Variants in LYPLA1 observed in about 807,000 individuals in gnomAD.
The protein encoded by LYPLA1 is lysophospholipase 1, also known as acyl-protein thioesterase 1.
In LYPLA1, 17 loss-of-function variants were observed where a neutral mutation model predicts 34.0. The observed-to-expected ratio is 0.50, with a 90% CI of 0.34 to 0.75. LYPLA1 has a LOEUF of 0.75. LYPLA1 is among the 30% of genes least tolerant of loss of function. LYPLA1 has a pLI of 0.01. For missense variants in LYPLA1, 203 were observed against 288.8 expected, an observed-to-expected ratio of 0.70 and a Z score of 2.15; for synonymous variants, 98 against 100.8, an observed-to-expected ratio of 0.97 and a Z score of 0.17.
At position 54,047,858 on chromosome 8, in the gene LYPLA1, G is replaced by C; in HGVS notation, c.*207C>G. The C allele has an allele frequency of 4.8e-6, 2 of 416,180 alleles. No individual in the cohort carries two copies. Among genetic ancestry groups the C allele is most frequent in the Non-Finnish European group, 8.5e-6 (2 of 235,336 alleles). The allele number at this position is 416,180 out of a possible 1,614,324, so 25.8% of individuals were successfully genotyped here. A position where few individuals can be genotyped will look rare whatever the true frequency, so the allele number is the denominator to read the frequency against. On this transcript the variant is annotated 3_prime_UTR_variant, in exon 9 of 9. Transcript: ENST00000316963. Reference sequence around the variant, plus strand: ...ATCTATTCTAATATAGTAGATCCTGGGTCGTCTTATAAGAATACATGTATA... The same window carrying C: ...ATCTATTCTAATATAGTAGATCCTGCGTCGTCTTATAAGAATACATGTATA...
At chr8:54,070,207 C>G (rs999611188) in intron 2 of LYPLA1, among the ~76,000 whole-genome samples, 1 of 152,066 alleles carries the variant, frequency 6.6e-6, no homozygotes, top group Non-Finnish European at 1.5e-5. Flanking sequence ...CCCAGCTACT[C>G]GGGAGGCTGA....
At chr8:54,056,203 C>CAG (rs1806196492) in intron 5 of LYPLA1, among the ~76,000 whole-genome samples, 1 of 152,248 alleles carries the variant, frequency 6.6e-6, no homozygotes, top group Non-Finnish European at 1.5e-5. Context: ...GGGGAAAAGA[C>CAG]AGTCTCTTCA....
At chr8:54,084,578 A>G (rs1297370603) in intron 2 of LYPLA1, among the ~76,000 whole-genome samples, 3 of 152,196 alleles carry the variant, frequency 2.0e-5, no homozygotes, top group African/African-American at 7.2e-5. Context: ...CTCAAAAAAA[A>G]AGAGAGAGAC....
At chr8:54,095,104 C>G (rs1334842670) in intron 2 of LYPLA1, among the ~76,000 whole-genome samples, 1 of 151,814 alleles carries the variant, frequency 6.6e-6, no homozygotes, top group East Asian at 1.9e-4. Flanking sequence ...TCTTGGCTCA[C>G]TGCAACCTCC....
rs1259973549 is a variant in LYPLA1, at chr8:54,059,555, C to T, written c.286+2699G>A. 5.4e-5 allele frequency among the ~76,000 whole-genome samples: 4 copies of T among 73,414 alleles called. 1 individual carries two copies. Among genetic ancestry groups the T allele is most frequent in the Non-Finnish European group, 4.1e-5 (2 of 48,350 alleles). The allele number at this position is 73,414 out of a possible 152,430, so 48.2% of individuals were successfully genotyped here. A position where few individuals can be genotyped will look rare whatever the true frequency, so the allele number is the denominator to read the frequency against. On this transcript the variant is annotated intron_variant, in intron 5 of 8. Transcript: ENST00000316963. The stretch of plus-strand genomic sequence containing the variant: ...TCCTGACCTCATGATCCACCCGCCT[C>T]GGCCTCCCAAAGTGCTGGGATTACA...
At chr8:54,085,585 C>G (rs1040006165) in intron 2 of LYPLA1, among the ~76,000 whole-genome samples, 4 of 151,530 alleles carry the variant, frequency 2.6e-5, no homozygotes, top group Non-Finnish European at 4.4e-5. Flanking sequence ...CGCCTCTGCC[C>G]TGCCGCCCCG....
At position 54,056,837 on chromosome 8, in the gene LYPLA1, C is replaced by T. The variant is rs548677277; in HGVS notation, c.287-1704G>A. ...CTGAGGCAGGAGAATCACTTGAACT[C>T]GGGAGACGGAGGTTGCAGTGAGCCA... is the stretch of plus-strand genomic sequence containing the variant. On this transcript the variant is annotated intron_variant, in intron 5 of 8. Transcript: ENST00000316963. Among the ~76,000 whole-genome samples, 112 of 152,110 alleles carry T rather than the reference C, an allele frequency of 7.4e-4. 1 individual carries two copies. The highest frequency in any genetic ancestry group is 2.3e-3 in the African/African-American group (96 of 41,502).
intron 2 of LYPLA1, among the ~76,000 whole-genome samples, chr8:54,086,049 T>C (rs1056422349): frequency 3.3e-5 from 5 of 152,204 alleles, no homozygotes; most frequent in African/African-American, 4.8e-5. Flanking sequence ...TAGAAAGAAG[T>C]AGACATAGGA....
At chr8:54,092,320 A>G (rs1240105418) in intron 2 of LYPLA1, among the ~76,000 whole-genome samples, 2 of 150,398 alleles carry the variant, frequency 1.3e-5, no homozygotes, top group South Asian at 4.2e-4. Flanking sequence ...GGAGGAGGAG[A>G]AGGAGGAGAC....
chr8:54,073,817 A>T (rs1211757331), intron 2 of LYPLA1, among the ~76,000 whole-genome samples: 1 of 152,204 alleles, frequency 6.6e-6, no homozygotes, highest in Non-Finnish European at 1.5e-5. Context: ...CATTGTGCCC[A>T]AGTCCAGTGT....
At chr8:54,084,137 A>ATAT (rs1563642470) in intron 2 of LYPLA1, among the ~76,000 whole-genome samples, 14 of 120,128 alleles carry the variant, frequency 1.2e-4, no homozygotes, top group African/African-American at 5.6e-4. Context: ...AAAAAAAATA[A>ATAT]ATAAATATAT....
chr8:54,064,570 T>A (rs528134433), intron 3 of LYPLA1, among the ~76,000 whole-genome samples: 12 of 152,346 alleles, frequency 7.9e-5, no homozygotes, highest in African/African-American at 2.6e-4. Flanking sequence ...TCTTATCCAA[T>A]CTTCTCAGCT....
intron 5 of LYPLA1, among the ~76,000 whole-genome samples, chr8:54,058,813 C>T (rs553658067): frequency 6.6e-6 from 1 of 151,904 alleles, no homozygotes; most frequent in Non-Finnish European, 1.5e-5. Context: ...AAGTGATCCT[C>T]CTGCCTCAGC....
chr8:54,092,797 CATA>C, intron 2 of LYPLA1, among the ~76,000 whole-genome samples: 1 of 152,244 alleles, frequency 6.6e-6, no homozygotes, highest in East Asian at 1.9e-4. Context: ...GCCTAGGCAA[CATA>C]ATGAGTCCCT....
intron 2 of LYPLA1, among the ~76,000 whole-genome samples, chr8:54,076,674 G>A (rs1029186664): frequency 5.9e-5 from 9 of 152,162 alleles, no homozygotes; most frequent in Non-Finnish European, 7.3e-5. Flanking sequence ...ACCTGGCCCC[G>A]CTTAAAGGCA....
chr8:54,089,491 C>CG (rs1809046593), intron 2 of LYPLA1, among the ~76,000 whole-genome samples: 8 of 91,664 alleles, frequency 8.7e-5, no homozygotes, highest in East Asian at 9.5e-4. Context: ...TCAGACATCC[C>CG]TGGGGGGGGG....
intron 2 of LYPLA1, among the ~76,000 whole-genome samples, chr8:54,071,709 C>A (rs575476481): frequency 6.6e-6 from 1 of 152,248 alleles, no homozygotes; most frequent in African/African-American, 2.4e-5. Context: ...ACAAGAATTA[C>A]AAAACGCTGC....
intron 2 of LYPLA1, 117 bp from the exon 3 acceptor site, chr8:54,065,930 G>GTT: frequency 7.3e-6 from 5 of 684,356 alleles, no homozygotes; most frequent in South Asian, 3.4e-5. Context: ...TAAAAATATG[G>GTT]TTTTTTTTTG....
intron 2 of LYPLA1, among the ~76,000 whole-genome samples, chr8:54,096,488 C>T (rs901213904): frequency 6.6e-6 from 1 of 152,156 alleles, no homozygotes; most frequent in Non-Finnish European, 1.5e-5. Flanking sequence ...CCTGTAATCC[C>T]AGCACTTTGG....
Sources: allele counts gnomAD v4.1 joint callset (sites outside exome capture counted in the v4.1 genomes callset), GRCh38; gene constraint gnomAD v4.1.1; transcripts MANE v1.5; gene names NCBI Gene and HGNC (gene_info 2026-07-23, HGNC 2026-07-21).